SUPT3H: variants seen among roughly 807,000 people sequenced by gnomAD.
The protein encoded by SUPT3H is transcription initiation protein SPT3 homolog.
Under a neutral mutation model 44.3 loss-of-function variants are expected in SUPT3H, and 44 were observed. The observed-to-expected ratio is 0.99, with a 90% confidence interval of 0.78 to 1.28. The LOEUF (loss-of-function observed/expected upper bound fraction) is 1.28, where lower values mean the gene tolerates loss of function less well. Ranked by LOEUF, SUPT3H falls within the 50% of genes most tolerant of loss-of-function variation. The pLI is 0.00. For missense variants in SUPT3H, 380 were observed against 387.1 expected, an observed-to-expected ratio of 0.98 and a Z score of 0.15; for synonymous variants, 124 against 125.6, an observed-to-expected ratio of 0.99 and a Z score of 0.09.
At chr6:44,854,294 A>G (rs988685321) in intron 10 of SUPT3H, among the ~76,000 whole-genome samples, 4 of 152,204 alleles carry the variant, frequency 2.6e-5, no homozygotes, top group African/African-American at 7.2e-5. Context: ...AATGCACTGT[A>G]CCATCATCCT....
chr6:45,015,166 C>A lies in SUPT3H; in HGVS notation c.274-275G>T, dbSNP rs572262430. ...CTTAATGAAGGGGATCTAAGAAATGCCTCCTCAGGAGACTTCATCGTTTTG... is the reference window on the plus strand; with the variant it reads ...CTTAATGAAGGGGATCTAAGAAATGACTCCTCAGGAGACTTCATCGTTTTG... On this transcript the variant is annotated intron_variant, in intron 4 of 10. Transcript: ENST00000371459. Among the ~76,000 whole-genome samples the A allele has an allele frequency of 5.9e-5, 9 of 152,184 alleles. No homozygotes were observed. The East Asian group carries it at 9.7e-4, about 16-fold the overall frequency.
chr6:45,125,716 A>G (rs1392680041), intron 2 of SUPT3H, among the ~76,000 whole-genome samples: 1 of 152,152 alleles, frequency 6.6e-6, no homozygotes, highest in Admixed American at 6.5e-5. Flanking sequence ...TTATGGCTTC[A>G]GTAAACTCTC....
chr6:44,902,068 C>G (rs1765164618), intron 10 of SUPT3H, among the ~76,000 whole-genome samples: 1 of 152,188 alleles, frequency 6.6e-6, no homozygotes, highest in Admixed American at 6.5e-5. Flanking sequence ...ACTGCAAAAT[C>G]ATGCCAAATT....
At chr6:45,371,005 T>C (rs1015010929) in intron 1 of SUPT3H, among the ~76,000 whole-genome samples, 1 of 152,200 alleles carries the variant, frequency 6.6e-6, no homozygotes, top group African/African-American at 2.4e-5. Flanking sequence ...AAATGGCACA[T>C]AGCACACTTA....
At chr6:44,923,871 C>G (rs1769116115) in intron 10 of SUPT3H, among the ~76,000 whole-genome samples, 1 of 151,928 alleles carries the variant, frequency 6.6e-6, no homozygotes, top group South Asian at 2.1e-4. Flanking sequence ...TAATAGAACT[C>G]CAGTTGGCAA....
At chr6:45,340,561 C>T (rs1307130338) in intron 2 of SUPT3H, among the ~76,000 whole-genome samples, 2 of 151,904 alleles carry the variant, frequency 1.3e-5, no homozygotes, top group African/African-American at 4.8e-5. Context: ...TGGGCTCAAG[C>T]GATCCTCCCA....
chr6:45,376,748 A>C, intron 1 of SUPT3H, among the ~76,000 whole-genome samples: 1 of 152,164 alleles, frequency 6.6e-6, no homozygotes, highest in East Asian at 1.9e-4. Context: ...GAAATTCCCC[A>C]AGTTTTGTCC....
chr6:45,050,800 T>C (rs150256674), intron 3 of SUPT3H, among the ~76,000 whole-genome samples: 287 of 151,822 alleles, frequency 1.9e-3, no homozygotes, highest in African/African-American at 6.8e-3. Context: ...ATTCTCCGAA[T>C]AATCTAGTAA....
chr6:44,918,852 G>A (rs1252530313), intron 10 of SUPT3H, among the ~76,000 whole-genome samples: 2 of 152,098 alleles, frequency 1.3e-5, no homozygotes, highest in Non-Finnish European at 2.9e-5. Flanking sequence ...TTCCAGATGC[G>A]GGTGTACAAA....
chr6:45,085,722 T>C (rs1796395008), intron 3 of SUPT3H, among the ~76,000 whole-genome samples: 1 of 152,104 alleles, frequency 6.6e-6, no homozygotes, highest in Admixed American at 6.6e-5. Flanking sequence ...TTCTGTTAAT[T>C]AAGACAACAT....
At chr6:44,866,933 A>G (rs1216449153) in intron 10 of SUPT3H, among the ~76,000 whole-genome samples, 2 of 152,220 alleles carry the variant, frequency 1.3e-5, no homozygotes, top group Non-Finnish European at 2.9e-5. Flanking sequence ...CCATAGTAAT[A>G]AAGACTATCA....
chr6:45,339,389 C>T (rs1042374693), intron 2 of SUPT3H, among the ~76,000 whole-genome samples: 1 of 152,146 alleles, frequency 6.6e-6, no homozygotes, highest in Non-Finnish European at 1.5e-5. Flanking sequence ...ACTTTTAATA[C>T]TCCTAGAAAT....
rs956554657 is a variant in SUPT3H, at chr6:45,276,887, A to T, written c.101+88314T>A. ...ATATTGCATTACTGTAGCAATAGAT[A>T]ACTGATACAAGATACTTAACTATAT... On this transcript the variant is annotated intron_variant, in intron 2 of 10. Transcript: ENST00000371459. 3.7e-4 allele frequency among the ~76,000 whole-genome samples: 57 copies of T among 152,198 alleles called. 1 individual carries two copies. Among genetic ancestry groups the T allele is most frequent in the Admixed American group, 2.9e-3 (45 of 15,280 alleles).
At chr6:45,069,211 A>G (rs900033325) in intron 3 of SUPT3H, among the ~76,000 whole-genome samples, 1 of 152,214 alleles carries the variant, frequency 6.6e-6, no homozygotes, top group Non-Finnish European at 1.5e-5. Flanking sequence ...CAGATTGTAA[A>G]TACCACAATA....
intron 2 of SUPT3H, among the ~76,000 whole-genome samples, chr6:45,131,766 A>G (rs1052629209): frequency 3.9e-5 from 6 of 152,228 alleles, no homozygotes; most frequent in African/African-American, 1.4e-4. Flanking sequence ...AAGCAACATG[A>G]ATAGAGAAAA....
chr6:45,182,476 G>T (rs1182386326), intron 2 of SUPT3H, among the ~76,000 whole-genome samples: 2 of 152,148 alleles, frequency 1.3e-5, no homozygotes, highest in Non-Finnish European at 2.9e-5. Flanking sequence ...TGGCCAGGCT[G>T]ATCACAATCT....
rs542753855 is a variant in SUPT3H at position 45,348,231 on chromosome 6, G to GA, written c.101+16969dup. Among the ~76,000 whole-genome samples, 407 of 152,114 alleles carry GA rather than the reference G, an allele frequency of 2.7e-3. 4 individuals carry two copies. The highest frequency in any genetic ancestry group is 0.017 in the Middle Eastern group (5 of 294). On this transcript the variant is annotated intron_variant, in intron 2 of 10. Transcript: ENST00000371459. ...AGTTAAAAGTCTGACTCTGGAGTCA[G>GA]AAAGACCAAATCTAATCCCAGTTCT...
intron 3 of SUPT3H, among the ~76,000 whole-genome samples, chr6:45,024,330 AT>A (rs1007846125): frequency 1.6e-3 from 245 of 151,268 alleles, no homozygotes; most frequent in African/African-American, 5.3e-3. Flanking sequence ...CATGACATTC[AT>A]TTTTTTTCTC....
intron 3 of SUPT3H, among the ~76,000 whole-genome samples, chr6:45,078,785 T>C (rs1562412337): frequency 6.6e-6 from 1 of 152,216 alleles, no homozygotes; most frequent in African/African-American, 2.4e-5. Context: ...TCTTCTGGCC[T>C]ACAAAGTTTA....
Sources: gnomAD v4.1 joint callset for allele counts (sites outside exome capture counted in the v4.1 genomes callset) on GRCh38, gnomAD v4.1.1 for gene constraint, MANE v1.5 for transcripts, NCBI Gene and HGNC (gene_info 2026-07-23, HGNC 2026-07-21) for gene names.